The following TET3 variants were observed in gnomAD, a reference collection of about 807,000 sequenced individuals.
TET3 encodes the protein methylcytosine dioxygenase TET3.
Under a neutral mutation model 141.4 loss-of-function variants are expected in TET3, and 19 were observed. That is an observed-to-expected ratio of 0.13 (90% confidence interval 0.09 to 0.20). The LOEUF (loss-of-function observed/expected upper bound fraction) is 0.20. Among genes scored for constraint, TET3 ranks in the 10% least tolerant of loss-of-function variants. The pLI, the probability that TET3 is intolerant of heterozygous loss-of-function variation, is 1.00. For missense variants in TET3, 1,874 were observed against 2,356.9 expected (o/e 0.80, Z 4.24); for synonymous variants, 1,043 against 980.9 (o/e 1.06, Z -1.18).
At chr2:74,003,477 T>C (rs1300200721) in intron 3 of TET3, among the ~76,000 whole-genome samples, 2 of 137,108 alleles carry the variant, frequency 1.5e-5, no homozygotes, top group African/African-American at 5.5e-5. Flanking sequence ...CACCCCTGCC[T>C]CTGGAAATCT....
chr2:74,047,765 A>C lies in TET3; in HGVS notation c.1848A>C (p.Glu616Asp). ...AGATCAAGAAGTCCAGGCCCCGGGA[A>C]GCACAGCCCCTCTTCCCACCTGTCC... ...PIQIKKSRPR[E>D]AQPLFPPVRQ... Residue 616 changes from glutamate (E) to aspartate (D), a missense_variant, in exon 4 of 12, where the codon GAA (glutamate) becomes GAC (aspartate). Around this residue, in one of 10 missense-constraint regions of TET3, gnomAD observed 484 missense variants for 462.2 expected, o/e 1.05. Transcript: ENST00000409262. The C allele has an allele frequency of 6.2e-7, 1 of 1,613,786 alleles. No individual in the cohort carries two copies. Among genetic ancestry groups the C allele is most frequent in the East Asian group, 2.2e-5 (1 of 44,854 alleles).
the TET3 span, chr2:74,120,732 A>C: frequency 6.6e-6 from 1 of 152,418 alleles, no homozygotes; most frequent in Non-Finnish European, 1.5e-5. Flanking sequence ...TGAGAAATTC[A>C]TCATATCTGC....
At chr2:74,082,148 T>C (rs996287194) in intron 6 of TET3, among the ~76,000 whole-genome samples, 3 of 152,196 alleles carry the variant, frequency 2.0e-5, no homozygotes, top group African/African-American at 7.2e-5. Context: ...CTTTTCCAGC[T>C]TCAAGACAGT....
intron 3 of TET3, among the ~76,000 whole-genome samples, chr2:74,007,874 TG>T (rs1266980713): frequency 6.6e-6 from 1 of 152,226 alleles, no homozygotes; most frequent in African/African-American, 2.4e-5. Flanking sequence ...CCACTTACTT[TG>T]TACAGCGAGT....
intron 3 of TET3, among the ~76,000 whole-genome samples, chr2:74,042,729 A>T (rs1259227719): frequency 6.6e-6 from 1 of 152,160 alleles, no homozygotes; most frequent in African/African-American, 2.4e-5. Flanking sequence ...GCAGACTGAG[A>T]GTTGGGAAGG....
chr2:74,047,368 T>A lies in TET3; in HGVS notation c.1451T>A (p.Leu484Gln). Residue 484 changes from leucine (L) to glutamine (Q), a missense_variant, in exon 4 of 12, where the codon CTG becomes CAG. Physicochemically the swap from Leu to Gln is moderately radical, Grantham distance 113 (BLOSUM62 -2). Around this residue, in one of 10 missense-constraint regions of TET3, gnomAD observed 484 missense variants for 462.2 expected, o/e 1.05. Transcript: ENST00000409262. ...IQSVFKRPEA[L>Q]PTKPKVKVEA... ...TCAGTATTCAAGCGGCCTGAGGCCC[T>A]GCCTACCAAGCCCAAGGTCAAGGTG... The A allele has an allele frequency of 6.2e-7, 1 of 1,613,918 alleles. No homozygotes were observed.
At chr2:74,060,708 T>G (rs1688462026) in intron 4 of TET3, among the ~76,000 whole-genome samples, 1 of 152,050 alleles carries the variant, frequency 6.6e-6, no homozygotes, top group Non-Finnish European at 1.5e-5. Context: ...TACTTGAGAT[T>G]AGGGAGTGGT....
At chr2:74,027,135 C>G (rs948044504) in intron 3 of TET3, among the ~76,000 whole-genome samples, 18 of 152,194 alleles carry the variant, frequency 1.2e-4, no homozygotes, top group Non-Finnish European at 1.0e-4. Flanking sequence ...GACACTCTTG[C>G]CTTTCCCTTT....
chr2:74,129,959 G>A, the TET3 span, among the ~76,000 whole-genome samples: 1 of 152,110 alleles, frequency 6.6e-6, no homozygotes, highest in Admixed American at 6.6e-5. Context: ...GCCGGGCTTG[G>A]TGGCAGGCAC....
chr2:74,075,216 A>C (rs1023280509), intron 5 of TET3, among the ~76,000 whole-genome samples: 1 of 151,930 alleles, frequency 6.6e-6, no homozygotes, highest in Non-Finnish European at 1.5e-5. Flanking sequence ...AGACATAAGC[A>C]TATGCTTGCC....
At chr2:74,063,907 AAAT>A (rs1553428425) in intron 4 of TET3, among the ~76,000 whole-genome samples, 1 of 151,668 alleles carries the variant, frequency 6.6e-6, no homozygotes, top group Non-Finnish European at 1.5e-5. Context: ...AAAAAAAAAA[AAAT>A]AAGTAAAATA....
intron 4 of TET3, among the ~76,000 whole-genome samples, chr2:74,056,923 C>T (rs1195455498): frequency 1.3e-5 from 2 of 152,184 alleles, no homozygotes; most frequent in African/African-American, 2.4e-5. Context: ...AGGGACCCCA[C>T]AACTTGGAGA....
rs1558684818 is a variant in TET3 at position 73,984,952 on chromosome 2, GGCCGCCGCT to G, written c.-626_-618del. ...TCATTGCTGCTGCTGCTGCCGCCGC[GGCCGCCGCT>G]GCCTCTTCCTTCCTCCTGCGCCGTC... On this transcript the variant is annotated 5_prime_UTR_variant, in exon 1 of 12. Transcript: ENST00000409262. This position sits in a 1 kb window ranked among gnomAD's most constrained non-coding sequence, Gnocchi z 5.6. Among the ~76,000 whole-genome samples, 1 of 146,880 alleles carries G rather than the reference GGCCGCCGCT, an allele frequency of 6.8e-6. No individual in the cohort carries two copies. The highest frequency in any genetic ancestry group is 1.5e-5 in the Non-Finnish European group (1 of 65,914).
At chr2:74,081,453 A>T (rs1176276866) in intron 6 of TET3, among the ~76,000 whole-genome samples, 1 of 152,188 alleles carries the variant, frequency 6.6e-6, no homozygotes, top group African/African-American at 2.4e-5. Context: ...GGGGTCGTTG[A>T]GAGGCAGACT....
In TET3 at chr2:74,093,089, C is replaced by T; in HGVS notation, c.3129+98C>T. The T allele has an allele frequency of 8.9e-7, 1 of 1,129,524 alleles. No individual in the cohort carries two copies. Among genetic ancestry groups the T allele is most frequent in the African/African-American group, 1.6e-5 (1 of 64,072 alleles). The allele number at this position is 1,129,524 out of a possible 1,614,324, so 70.0% of individuals were successfully genotyped here. A position where few individuals can be genotyped will look rare whatever the true frequency, so the allele number is the denominator to read the frequency against. On this transcript the variant is annotated intron_variant, in intron 9 of 11. Transcript: ENST00000409262. This position sits in a 1 kb window ranked among gnomAD's most constrained non-coding sequence, Gnocchi z 4.2. ...GTGGGAGAGTGGGCTCTTTTACTCT[C>T]TTATGGGAAGAGCCTAGTCCAGAAG...
chr2:74,101,193 C>A lies in TET3; in HGVS notation c.4405C>A (p.Pro1469Thr). ...GTCTGGGGAGAGTCCTGCCATCGTC[C>A]CTGACAAGCTCAGTTCCTTTGGGGC... Reference protein sequence around the residue: ...FSSGESPAIVPDKLSSFGASC... With the variant: ...FSSGESPAIVTDKLSSFGASC... The change falls in exon 12 of 12, where the codon CCT becomes ACT. Residue 1469 changes from proline to threonine, a missense_variant. Transcript: ENST00000409262. The surrounding 1 kb of genome is among the most constrained non-coding windows in gnomAD (Gnocchi z 8.5). The A allele has an allele frequency of 2.5e-6, 4 of 1,613,618 alleles. No individual in the cohort carries two copies. Among genetic ancestry groups the A allele is most frequent in the Non-Finnish European group, 3.4e-6 (4 of 1,179,808 alleles).
chr2:74,005,315 C>A (rs1685097743), intron 3 of TET3, among the ~76,000 whole-genome samples: 1 of 152,176 alleles, frequency 6.6e-6, no homozygotes, highest in African/African-American at 2.4e-5. Flanking sequence ...CAGAGTAGGG[C>A]CTGAGCTGGC....
intron 3 of TET3, among the ~76,000 whole-genome samples, chr2:74,009,889 A>G (rs757313957): frequency 1.3e-5 from 2 of 152,206 alleles, no homozygotes; most frequent in Non-Finnish European, 2.9e-5. Context: ...GCTCAAGACA[A>G]GGGTGGCATA....
At chr2:74,002,323 C>G (rs1340672530) in intron 2 of TET3, among the ~76,000 whole-genome samples, 3 of 152,228 alleles carry the variant, frequency 2.0e-5, no homozygotes, top group African/African-American at 7.2e-5. Context: ...CCAGCTGCTG[C>G]CAGGATGATG....
Sources: allele counts gnomAD v4.1 joint callset (sites outside exome capture counted in the v4.1 genomes callset), GRCh38; gene constraint gnomAD v4.1.1; regional missense constraint gnomAD v4.1.1; non-coding constraint Gnocchi (gnomAD v3.1); transcripts MANE v1.5; gene names NCBI Gene and HGNC (gene_info 2026-07-23, HGNC 2026-07-21).